Variants in CSF1R observed in about 807,000 individuals in gnomAD.
CSF1R encodes the protein macrophage colony-stimulating factor 1 receptor.
A neutral mutation model predicts 110.0 loss-of-function variants in CSF1R; 40 were observed. The observed-to-expected ratio is 0.36, with a 90% confidence interval of 0.28 to 0.47. The LOEUF (loss-of-function observed/expected upper bound fraction) is 0.47. Among genes scored for constraint, CSF1R ranks in the 20% least tolerant of loss-of-function variants. CSF1R has a pLI of 0.99. For synonymous variants in CSF1R, 523 were observed against 503.4 expected (o/e 1.04, Z -0.52); for missense variants, 1,052 against 1,253.0 (o/e 0.84, Z 2.42).
chr5:150,060,559 T>C (rs1757459835), intron 13 of CSF1R, among the ~76,000 whole-genome samples: 1 of 151,914 alleles, frequency 6.6e-6, no homozygotes, highest in African/African-American at 2.4e-5. Context: ...GGCGGGGGGC[T>C]TCACTCCAGA....
chr5:150,080,606 T>C (rs1758493269), intron 2 of CSF1R, among the ~76,000 whole-genome samples, 161 bp downstream of exon 2: 1 of 151,994 alleles, frequency 6.6e-6, no homozygotes. Context: ...ACTTGCAGGG[T>C]TGTTGTGAGG....
chr5:150,105,363 AATATAT>A (rs1299956729), intron 1 of CSF1R, among the ~76,000 whole-genome samples: 6 of 88,186 alleles, frequency 6.8e-5, no homozygotes, highest in African/African-American at 2.3e-4. Context: ...AAAAAAAAAA[AATATAT>A]ATATATATAT....
intron 5 of CSF1R, among the ~76,000 whole-genome samples, chr5:150,074,841 C>CTACACACACA (rs755719362): frequency 3.9e-5 from 5 of 127,742 alleles, no homozygotes; most frequent in Non-Finnish European, 6.4e-5. Flanking sequence ...CTCTTCCTTC[C>CTACACACACA]TACACACACA....
intron 5 of CSF1R, among the ~76,000 whole-genome samples, chr5:150,075,417 C>T (rs1052601718): frequency 2.0e-5 from 3 of 152,132 alleles, no homozygotes; most frequent in South Asian, 2.1e-4. Context: ...ACTCTCTCCC[C>T]GCAGCCACAC....
intron 10 of CSF1R, among the ~76,000 whole-genome samples, chr5:150,067,441 A>G (rs771646430): frequency 1.3e-5 from 2 of 152,262 alleles, no homozygotes; most frequent in Non-Finnish European, 2.9e-5. Flanking sequence ...ACTCTGTAAA[A>G]CAGACTAATG....
intron 1 of CSF1R, among the ~76,000 whole-genome samples, chr5:150,099,918 G>C (rs1157102181): frequency 6.6e-6 from 1 of 152,070 alleles, no homozygotes; most frequent in Admixed American, 6.5e-5. Flanking sequence ...TAAAGGGCCA[G>C]GAATAACCAA....
chr5:150,090,135 T>C (rs1561953310), upstream of CSF1R, among the ~76,000 whole-genome samples: 4 of 152,176 alleles, frequency 2.6e-5, no homozygotes, highest in Admixed American at 6.5e-5. Context: ...TTCTCAGATA[T>C]GTTTCTAAAA....
At chr5:150,084,066 G>A (rs1330278230) in intron 1 of CSF1R, among the ~76,000 whole-genome samples, 1 of 152,164 alleles carries the variant, frequency 6.6e-6, no homozygotes, top group African/African-American at 2.4e-5. Context: ...GCCAGGCACA[G>A]TGGCTCATGC....
In CSF1R at chr5:150,054,445, AGAG is replaced by A. The variant is rs760213615; in HGVS notation, c.2655-18_2655-16del. The A allele has an allele frequency of 3.7e-6, 6 of 1,601,770 alleles. No individual in the cohort carries two copies. The highest frequency in any genetic ancestry group is 1.8e-4 in the Middle Eastern group (1 of 5,688). ...TGATGCTGTATCTGGGAGATAGGAC[AGAG>A]GATGCCCATGGGCAGCTCCCTAGGG... On this transcript the variant is annotated splice_polypyrimidine_tract_variant and intron_variant, in intron 19 of 20. Transcript: ENST00000675795.
intron 1 of CSF1R, among the ~76,000 whole-genome samples, chr5:150,095,650 G>T (rs1434296659): frequency 6.7e-6 from 1 of 150,194 alleles, no homozygotes; most frequent in Non-Finnish European, 1.5e-5. Flanking sequence ...TTGACCGTAG[G>T]AAGGAAATAA....
chr5:150,074,588 G>A (rs1184214447), intron 5 of CSF1R, among the ~76,000 whole-genome samples: 1 of 152,268 alleles, frequency 6.6e-6, no homozygotes, highest in South Asian at 2.1e-4. Context: ...CTCCGTGCCT[G>A]TCATGGTAGC....
At chr5:150,057,037 G>A (rs556523964) in intron 16 of CSF1R, among the ~76,000 whole-genome samples, 5 of 152,198 alleles carry the variant, frequency 3.3e-5, no homozygotes, top group South Asian at 2.1e-4. Context: ...TAGTAAAAAC[G>A]AATGAAGAAA....
chr5:150,089,155 G>C (rs1758956741), upstream of CSF1R, among the ~76,000 whole-genome samples: 1 of 152,136 alleles, frequency 6.6e-6, no homozygotes, highest in South Asian at 2.1e-4. Context: ...TTTACATCAG[G>C]AACAAGACAA....
At chr5:150,073,248 A>G (rs1758102348) in intron 6 of CSF1R, 53 bp downstream of exon 6, 2 of 1,556,080 alleles carry the variant, frequency 1.3e-6, no homozygotes, top group Admixed American at 3.5e-5. Context: ...TGCTTGCTGA[A>G]GCATACCCCA....
In CSF1R at chr5:150,080,032, G is replaced by A. The variant is rs202164942; in HGVS notation, c.592+20C>T. ...TCCCCACTCTTCAGGCCTGGCTGCC[G>A]GTCCCCATGCCCCACGCACCTTTCT... On this transcript the variant is annotated intron_variant, in intron 3 of 20. Transcript: ENST00000675795. 1.4e-5 allele frequency: 22 copies of A among 1,605,342 alleles called. No homozygotes were observed. The highest frequency in any genetic ancestry group is 9.0e-5 in the East Asian group (4 of 44,676).
intron 1 of CSF1R, chr5:150,094,261 A>G: frequency 7.6e-7 from 1 of 1,313,684 alleles, no homozygotes; most frequent in Non-Finnish European, 1.1e-6. Flanking sequence ...GTGTATATGC[A>G]CTTTAGAACA....
intron 1 of CSF1R, among the ~76,000 whole-genome samples, chr5:150,109,058 G>GCTCCCCCCC (rs1554106339): frequency 8.4e-6 from 1 of 119,738 alleles, no homozygotes; most frequent in Non-Finnish European, 1.9e-5. Flanking sequence ...GGAGAAGCCC[G>GCTCCCCCCC]CCCCCCCCCC....
At chr5:150,075,343 GC>G (rs1254132190) in intron 5 of CSF1R, among the ~76,000 whole-genome samples, 1 of 152,136 alleles carries the variant, frequency 6.6e-6, no homozygotes, top group Non-Finnish European at 1.5e-5. Context: ...CACTGCGGTA[GC>G]CTCCTTTCAT....
chr5:150,112,798 G>T lies in CSF1R; in HGVS notation c.-181+463C>A, dbSNP rs919055792. The stretch of plus-strand genomic sequence containing the variant: ...GCGGCTGGGCCTGTGAGTCAGAGCT[G>T]TCCCATGGCTCCATTCTTTTCCCCA... On this transcript the variant is annotated intron_variant, in intron 1 of 21. Coordinates refer to the CSF1R transcript ENST00000286301. Among the ~76,000 whole-genome samples, 4 of 152,170 alleles carry T rather than the reference G, an allele frequency of 2.6e-5. No homozygotes were observed. The East Asian group carries it at 7.7e-4, about 29-fold the overall frequency.
Sources: gnomAD v4.1 joint callset for allele counts (sites outside exome capture counted in the v4.1 genomes callset) on GRCh38, gnomAD v4.1.1 for gene constraint, MANE v1.5 for transcripts, NCBI Gene and HGNC (gene_info 2026-07-23, HGNC 2026-07-21) for gene names.